The following IL1RAPL2 variants were observed in gnomAD, a reference collection of about 807,000 sequenced individuals.
IL1RAPL2 encodes the protein interleukin 1 receptor accessory protein like 2.
A neutral mutation model predicts 44.1 loss-of-function variants in IL1RAPL2; 3 were observed. The ratio of observed to expected loss-of-function variants is 0.07; its 90% CI spans 0.03 to 0.18. IL1RAPL2 has a LOEUF of 0.18. Ranked by LOEUF, IL1RAPL2 falls within the 10% of genes least tolerant of loss-of-function variation. The probability of loss-of-function intolerance (pLI) is 1.00; values close to 1 mark genes in which losing one functional copy is unlikely to be tolerated. For synonymous variants in IL1RAPL2, 181 were observed against 178.8 expected (o/e 1.01, Z -0.10); for missense variants, 391 against 496.4 (o/e 0.79, Z 2.02).
chrX:104,634,260 C>G (rs367816474), intron 1 of IL1RAPL2, among the ~76,000 whole-genome samples: 3 of 111,413 alleles, frequency 2.7e-5, no homozygotes, highest in Non-Finnish European at 5.6e-5. Context: ...TGGTTTACTT[C>G]CAACTGTGTG....
intron 5 of IL1RAPL2, among the ~76,000 whole-genome samples, chrX:105,347,075 A>C (rs2035116002): frequency 8.9e-6 from 1 of 111,993 alleles, no homozygotes; most frequent in African/African-American, 3.3e-5. Context: ...TGAGTGATGT[A>C]CAATCTTTTT....
chrX:105,406,986 G>A lies in IL1RAPL2; in HGVS notation c.698-77327G>A, dbSNP rs2035650308. The A allele has an allele frequency of 8.2e-6, 9 of 1,092,292 alleles. No homozygotes were observed. In the East Asian group the frequency reaches 9.0e-5, roughly 11 times the overall value. 90.0% of individuals were successfully genotyped at this position (1,092,292 alleles called of 1,213,427 possible). On this transcript the variant is annotated intron_variant, in intron 5 of 10. Transcript: ENST00000372582. ...AAGCCAACCTGAGAGGGTCCAACGT[G>A]AAGGGAGCTGTGTTTGAAGAGATGC... is the stretch of plus-strand genomic sequence containing the variant.
intron 2 of IL1RAPL2, among the ~76,000 whole-genome samples, chrX:104,992,575 C>T (rs2030681541): frequency 1.8e-5 from 2 of 111,133 alleles, no homozygotes; most frequent in Admixed American, 1.9e-4. Context: ...ATGAGAATGA[C>T]ATCAAGGAAG....
chrX:104,731,490 C>T (rs1451332199), intron 2 of IL1RAPL2, among the ~76,000 whole-genome samples: 1 of 103,642 alleles, frequency 9.6e-6, no homozygotes, highest in East Asian at 2.8e-4. Flanking sequence ...GCAGCCTCCA[C>T]CTCCCAGGTT....
intron 2 of IL1RAPL2, among the ~76,000 whole-genome samples, chrX:104,947,786 T>C (rs1358679598): frequency 1.2e-4 from 14 of 112,418 alleles, no homozygotes; most frequent in Non-Finnish European, 2.3e-4. Flanking sequence ...ATCTCTGTTT[T>C]GATACCAGTA....
In IL1RAPL2 at chrX:105,767,488, T is replaced by C. The variant is rs757477066; in HGVS notation, c.1888T>C (p.Leu630=). ...GYKHEIPATT[L]PVPSLGNHHT... ...TAAACATGAGATACCAGCCACGACC[T>C]TGCCAGTACCTTCCTTAGGCAACCA... The change falls in exon 11 of 11, where the codon TTG becomes CTG. Residue 630 remains leucine, a synonymous_variant. Transcript: ENST00000372582. 8.3e-7 allele frequency: 1 copy of C among 1,209,647 alleles called. No homozygotes were observed. Among genetic ancestry groups the C allele is most frequent in the Non-Finnish European group, 1.1e-6 (1 of 895,163 alleles).
chrX:105,188,070 T>C (rs895625014), intron 2 of IL1RAPL2, among the ~76,000 whole-genome samples: 4 of 111,521 alleles, frequency 3.6e-5, no homozygotes, highest in South Asian at 3.8e-4. Flanking sequence ...TTAGATAGTC[T>C]TCAGTGTCTT....
intron 2 of IL1RAPL2, among the ~76,000 whole-genome samples, chrX:105,190,660 G>GA (rs1424798752): frequency 4.0e-4 from 44 of 109,908 alleles, no homozygotes; most frequent in African/African-American, 1.2e-3. Context: ...CCAATTTGGG[G>GA]AAAAAAAAAT....
At chrX:105,704,382 G>A (rs776448401) in intron 6 of IL1RAPL2, among the ~76,000 whole-genome samples, 1 of 111,465 alleles carries the variant, frequency 9.0e-6, no homozygotes, top group South Asian at 3.7e-4. Flanking sequence ...ATATATAACT[G>A]AATTGTAATG....
chrX:104,671,816 C>G (rs1602672187), intron 2 of IL1RAPL2, among the ~76,000 whole-genome samples: 1 of 111,743 alleles, frequency 8.9e-6, no homozygotes, highest in Admixed American at 9.5e-5. Context: ...ACTGAGTATG[C>G]CACCTATCAC....
chrX:105,623,152 T>C (rs1458296000), intron 6 of IL1RAPL2, among the ~76,000 whole-genome samples: 1 of 110,734 alleles, frequency 9.0e-6, no homozygotes, highest in East Asian at 2.8e-4. Context: ...TTAATAACAG[T>C]CCTATGAGGT....
At chrX:105,304,683 TTATAAC>T (rs2034721524) in intron 5 of IL1RAPL2, among the ~76,000 whole-genome samples, 1 of 111,752 alleles carries the variant, frequency 8.9e-6, no homozygotes, top group South Asian at 3.7e-4. Flanking sequence ...AAATGCTTAA[TTATAAC>T]TATATTTCTG....
intron 5 of IL1RAPL2, among the ~76,000 whole-genome samples, chrX:105,294,621 A>G (rs1210337174): frequency 8.9e-6 from 1 of 112,383 alleles, no homozygotes; most frequent in Non-Finnish European, 1.9e-5. Flanking sequence ...TTATTTGAAT[A>G]CAATAGTGGA....
At chrX:104,574,267 C>T (rs1237112984) in intron 1 of IL1RAPL2, among the ~76,000 whole-genome samples, 1 of 110,874 alleles carries the variant, frequency 9.0e-6, no homozygotes, top group Non-Finnish European at 1.9e-5. Context: ...AAAGAACTTC[C>T]ACATATTAAT....
At chrX:105,102,818 G>C (rs1363290576) in intron 2 of IL1RAPL2, among the ~76,000 whole-genome samples, 3 of 111,671 alleles carry the variant, frequency 2.7e-5, no homozygotes, top group Admixed American at 9.5e-5. Context: ...GCTGGCAATA[G>C]AAGTGGTGAA....
intron 6 of IL1RAPL2, among the ~76,000 whole-genome samples, chrX:105,642,660 C>G (rs768253046): frequency 1.8e-5 from 2 of 112,303 alleles, no homozygotes; most frequent in Non-Finnish European, 3.8e-5. Context: ...AATTTCTACT[C>G]TATTCACTTG....
intron 2 of IL1RAPL2, among the ~76,000 whole-genome samples, chrX:104,798,425 G>A (rs778044551): frequency 1.6e-4 from 17 of 109,555 alleles, no homozygotes; most frequent in East Asian, 5.8e-4. Flanking sequence ...TTGGGAGGCC[G>A]AGGCGGGCGG....
At chrX:104,645,790 C>A (rs1213205755) in intron 1 of IL1RAPL2, among the ~76,000 whole-genome samples, 1 of 112,420 alleles carries the variant, frequency 8.9e-6, no homozygotes, top group Non-Finnish European at 1.9e-5. Context: ...ATTAATGGAT[C>A]TTAGGAGCAA....
chrX:105,629,996 T>C (rs1418628486), intron 6 of IL1RAPL2, among the ~76,000 whole-genome samples: 2 of 111,767 alleles, frequency 1.8e-5, no homozygotes, highest in Non-Finnish European at 3.8e-5. Flanking sequence ...TTTCCAATTC[T>C]GTAAAATGAG....
Sources: allele counts gnomAD v4.1 joint callset (sites outside exome capture counted in the v4.1 genomes callset), GRCh38; gene constraint gnomAD v4.1.1; transcripts MANE v1.5; gene names NCBI Gene and HGNC (gene_info 2026-07-23, HGNC 2026-07-21).